FSHR: variants seen among roughly 807,000 people sequenced by gnomAD.
FSHR encodes follicle-stimulating hormone receptor.
FSHR carries 46 observed loss-of-function variants against 52.1 expected under a neutral mutation model. The ratio of observed to expected loss-of-function variants is 0.88; its 90% CI spans 0.70 to 1.13. The LOEUF (loss-of-function observed/expected upper bound fraction) is 1.13. Ranked by LOEUF, FSHR falls within the 50% of genes most tolerant of loss-of-function variation. The pLI is 0.00. For synonymous variants in FSHR, 399 were observed against 309.6 expected (o/e 1.29, Z -3.03); for missense variants, 964 against 834.6 (o/e 1.16, Z -1.91).
At chr2:49,012,607 C>G (rs1667314317) in intron 4 of FSHR, among the ~76,000 whole-genome samples, 2 of 152,212 alleles carry the variant, frequency 1.3e-5, no homozygotes, top group Admixed American at 6.5e-5. Context: ...GCAACTCACC[C>G]CTACCCCTTG....
At chr2:48,979,423 T>TA (rs1210624831) in intron 8 of FSHR, among the ~76,000 whole-genome samples, 123 of 151,066 alleles carry the variant, frequency 8.1e-4, no homozygotes, top group African/African-American at 2.4e-3. Context: ...CATGGGTGAT[T>TA]AAAAAAAACC....
intron 2 of FSHR, among the ~76,000 whole-genome samples, chr2:49,047,641 T>C (rs941038268): frequency 6.6e-6 from 1 of 152,270 alleles, no homozygotes; most frequent in African/African-American, 2.4e-5. Context: ...TTACCCACTT[T>C]ATGATTTTTA....
Position 49,030,391 on chromosome 2 carries a change from G to A in FSHR, c.225-10231C>T, listed in dbSNP as rs140896000. 5.8e-4 allele frequency among the ~76,000 whole-genome samples: 88 copies of A among 151,874 alleles called. No homozygotes were observed. In the East Asian group the frequency reaches 8.7e-3, roughly 15 times the overall value. On this transcript the variant is annotated intron_variant, in intron 2 of 9. Transcript: ENST00000406846. Reference sequence around the variant, plus strand: ...TTCCTTAATAATTCTCTCTGGGTTCGATTGTGCCTTTTTGATACCGTACCT... The same window carrying A: ...TTCCTTAATAATTCTCTCTGGGTTCAATTGTGCCTTTTTGATACCGTACCT...
chr2:49,076,116 A>C (rs1669941047), intron 1 of FSHR, among the ~76,000 whole-genome samples: 1 of 152,234 alleles, frequency 6.6e-6, no homozygotes, highest in Non-Finnish European at 1.5e-5. Context: ...TGATGTTAGA[A>C]GTAAATTCCA....
At chr2:49,041,500 G>T in intron 2 of FSHR, among the ~76,000 whole-genome samples, 1 of 152,190 alleles carries the variant, frequency 6.6e-6, no homozygotes, top group Non-Finnish European at 1.5e-5. Context: ...TTCCAGATAC[G>T]TGCATATCTA....
At chr2:49,072,810 A>T (rs1669785395) in intron 1 of FSHR, among the ~76,000 whole-genome samples, 1 of 150,816 alleles carries the variant, frequency 6.6e-6, no homozygotes, top group Non-Finnish European at 1.5e-5. Context: ...TAATTTCAAC[A>T]CTGAAAATGA....
chr2:49,028,854 C>T (rs898563121), intron 2 of FSHR, among the ~76,000 whole-genome samples: 1 of 152,154 alleles, frequency 6.6e-6, no homozygotes, highest in Non-Finnish European at 1.5e-5. Context: ...CTGAGAAATA[C>T]CAACCCAGAC....
chr2:49,087,270 C>A (rs757869017), intron 1 of FSHR, among the ~76,000 whole-genome samples: 3 of 151,828 alleles, frequency 2.0e-5, no homozygotes, highest in Non-Finnish European at 2.9e-5. Flanking sequence ...AAGGACTCTT[C>A]TACCTCAGGT....
At chr2:49,063,864 T>G (rs2104331933) in intron 2 of FSHR, among the ~76,000 whole-genome samples, 1 of 152,192 alleles carries the variant, frequency 6.6e-6, no homozygotes, top group African/African-American at 2.4e-5. Context: ...ATATATGAGG[T>G]GTGAGATATG....
At position 49,154,305 on chromosome 2, in the gene FSHR, G is replaced by C; in HGVS notation, c.113C>G (p.Thr38Arg). 1 of 1,613,876 alleles carries C rather than the reference G, an allele frequency of 6.2e-7. No homozygotes were observed. The highest frequency in any genetic ancestry group is 8.5e-7 in the Non-Finnish European group (1 of 1,179,908). ...CCTCGGGAGGTCAGAAGGAATCTCT[G>C]TCACCTTGCTCTCTTGGCAGAGAAA... ...RVFLCQESKV[T>R]EIPSDLPRNA... Residue 38 changes from threonine to arginine, a missense_variant, in exon 1 of 10, where the codon ACA becomes AGA. Coordinates refer to ENST00000406846, the MANE Select transcript of FSHR (RefSeq NM_000145.4).
chr2:48,968,090 G>C (rs1302151354), intron 9 of FSHR, among the ~76,000 whole-genome samples: 1 of 152,162 alleles, frequency 6.6e-6, no homozygotes. Flanking sequence ...TTTTTAACCA[G>C]TTAGCTACTA....
chr2:48,997,148 G>A lies in FSHR; in HGVS notation c.375-6511C>T, dbSNP rs1676059502. On this transcript the variant is annotated intron_variant, in intron 4 of 9. Coordinates refer to ENST00000406846, the MANE Select transcript of FSHR (RefSeq NM_000145.4). ...ACCCTGGGTTCCAGTGGTCTCTCTA[G>A]CTTCTGGATAACACCAAACAGTTCA... is the stretch of plus-strand genomic sequence containing the variant. 9 of 884,462 alleles carry A rather than the reference G, an allele frequency of 1.0e-5. No homozygotes were observed. The South Asian group carries it at 3.6e-4, about 36-fold the overall frequency. 54.8% of individuals were successfully genotyped at this position (884,462 alleles called of 1,614,324 possible).
chr2:49,123,460 C>T (rs1671890327), intron 1 of FSHR, among the ~76,000 whole-genome samples: 1 of 152,070 alleles, frequency 6.6e-6, no homozygotes, highest in South Asian at 2.1e-4. Context: ...GCACTCCAGC[C>T]TGGATGACAG....
chr2:49,069,114 G>A (rs1415611973), intron 1 of FSHR, among the ~76,000 whole-genome samples: 2 of 151,960 alleles, frequency 1.3e-5, no homozygotes, highest in Non-Finnish European at 2.9e-5. Context: ...ATCTCACTAG[G>A]GGAAAAATCA....
At chr2:49,025,834 G>T (rs963909581) in intron 2 of FSHR, among the ~76,000 whole-genome samples, 2 of 152,198 alleles carry the variant, frequency 1.3e-5, no homozygotes, top group African/African-American at 4.8e-5. Flanking sequence ...AGTGAGATTG[G>T]CTATCTGGTC....
intron 1 of FSHR, among the ~76,000 whole-genome samples, chr2:49,079,526 T>G (rs116144352): frequency 0.012 from 1,861 of 152,196 alleles, 24 homozygotes; most frequent in Middle Eastern, 0.041. Flanking sequence ...TAAAATATTA[T>G]GATATCGACA....
intron 2 of FSHR, among the ~76,000 whole-genome samples, chr2:49,054,612 C>G (rs566264674): frequency 6.6e-6 from 1 of 152,080 alleles, no homozygotes; most frequent in African/African-American, 2.4e-5. Flanking sequence ...GCCACATGGC[C>G]CCAACCCCAG....
At chr2:49,044,905 A>G (rs1433337499) in intron 2 of FSHR, among the ~76,000 whole-genome samples, 1 of 152,140 alleles carries the variant, frequency 6.6e-6, no homozygotes, top group African/African-American at 2.4e-5. Context: ...GAGCCACACA[A>G]TGGGCTCCTG....
intron 8 of FSHR, among the ~76,000 whole-genome samples, chr2:48,980,840 T>G (rs556405383): frequency 2.0e-4 from 31 of 152,082 alleles, no homozygotes; most frequent in South Asian, 1.7e-3. Flanking sequence ...AATGAAGGAG[T>G]TGGGGGATCT....
Sources: allele counts gnomAD v4.1 joint callset (sites outside exome capture counted in the v4.1 genomes callset), GRCh38; gene constraint gnomAD v4.1.1; transcripts MANE v1.5; gene names NCBI Gene and HGNC (gene_info 2026-07-23, HGNC 2026-07-21).